Variants in TACR1 observed in about 807,000 individuals in gnomAD.
TACR1 encodes the protein substance-P receptor.
TACR1 carries 25 observed loss-of-function variants against 35.8 expected under a neutral mutation model. The ratio of observed to expected loss-of-function variants is 0.70; its 90% CI spans 0.51 to 0.98. The LOEUF is 0.98. Ranked by LOEUF, TACR1 falls within the 50% of genes least tolerant of loss-of-function variation. TACR1 has a pLI of 0.00. For missense variants in TACR1, 478 were observed against 522.9 expected (o/e 0.91, Z 0.84); for synonymous variants, 195 against 206.7 (o/e 0.94, Z 0.48).
chr2:75,148,448 G>T (rs540964638), intron 1 of TACR1, among the ~76,000 whole-genome samples: 1 of 152,264 alleles, frequency 6.6e-6, no homozygotes, highest in Admixed American at 6.5e-5. Flanking sequence ...TGTGGTTTTT[G>T]ATTTGCATTT....
At chr2:75,089,618 A>G (rs1313521569) in intron 2 of TACR1, among the ~76,000 whole-genome samples, 1 of 152,168 alleles carries the variant, frequency 6.6e-6, no homozygotes, top group Non-Finnish European at 1.5e-5. Context: ...CATATGTAGA[A>G]GACTTTACTT....
At chr2:75,133,211 A>G (rs1343570283) in intron 1 of TACR1, among the ~76,000 whole-genome samples, 1 of 152,258 alleles carries the variant, frequency 6.6e-6, no homozygotes, top group Non-Finnish European at 1.5e-5. Flanking sequence ...CTTGCAAGAC[A>G]ATGAATGATT....
At chr2:75,147,479 C>T (rs1278686296) in intron 1 of TACR1, among the ~76,000 whole-genome samples, 1 of 152,150 alleles carries the variant, frequency 6.6e-6, no homozygotes, top group African/African-American at 2.4e-5. Flanking sequence ...TATATGCGTG[C>T]CATGGTGGTT....
intron 2 of TACR1, among the ~76,000 whole-genome samples, chr2:75,119,755 A>G (rs895778131): frequency 1.3e-5 from 2 of 152,154 alleles, no homozygotes; most frequent in African/African-American, 2.4e-5. Context: ...TCACCTGCAC[A>G]TATTCTATTT....
At chr2:75,090,387 G>A (rs1673285370) in intron 2 of TACR1, among the ~76,000 whole-genome samples, 1 of 152,146 alleles carries the variant, frequency 6.6e-6, no homozygotes, top group Non-Finnish European at 1.5e-5. Context: ...CCTGTATGGG[G>A]CATTAACATC....
At chr2:75,080,129 A>G (rs1673054982) in intron 2 of TACR1, among the ~76,000 whole-genome samples, 1 of 152,226 alleles carries the variant, frequency 6.6e-6, no homozygotes, top group African/African-American at 2.4e-5. Context: ...TACTGAAATT[A>G]GAAATCTAAA....
intron 1 of TACR1, among the ~76,000 whole-genome samples, chr2:75,138,416 G>T (rs1037848058): frequency 7.9e-5 from 12 of 152,256 alleles, no homozygotes; most frequent in African/African-American, 2.6e-4. Context: ...ACCTAGCCTG[G>T]ACTCTTGCCT....
At chr2:75,176,669 T>A (rs1046807918) in intron 1 of TACR1, among the ~76,000 whole-genome samples, 13 of 152,072 alleles carry the variant, frequency 8.5e-5, no homozygotes, top group African/African-American at 3.1e-4. Flanking sequence ...CCCCAAGTAC[T>A]CCCCACAAGG....
At chr2:75,121,823 C>G (rs1673976149) in intron 1 of TACR1, among the ~76,000 whole-genome samples, 1 of 152,214 alleles carries the variant, frequency 6.6e-6, no homozygotes, top group Non-Finnish European at 1.5e-5. Context: ...CATTGATTCT[C>G]TGACAGTCAG....
intron 1 of TACR1, among the ~76,000 whole-genome samples, chr2:75,182,495 C>T (rs994431506): frequency 3.9e-5 from 6 of 152,182 alleles, no homozygotes; most frequent in Non-Finnish European, 5.9e-5. Flanking sequence ...TACAGCCATG[C>T]GCCACAAAAC....
At chr2:75,166,822 G>C (rs761466543) in intron 1 of TACR1, among the ~76,000 whole-genome samples, 1 of 152,202 alleles carries the variant, frequency 6.6e-6, no homozygotes, top group Non-Finnish European at 1.5e-5. Context: ...GACATACAGA[G>C]AAGTGCAGAT....
intron 2 of TACR1, among the ~76,000 whole-genome samples, chr2:75,114,230 A>T (rs933956208): frequency 6.6e-6 from 1 of 152,244 alleles, no homozygotes; most frequent in African/African-American, 2.4e-5. Context: ...AATTCAGAAT[A>T]GGAATGTCTT....
chr2:75,194,271 C>T (rs1675916062), intron 1 of TACR1, among the ~76,000 whole-genome samples: 1 of 152,116 alleles, frequency 6.6e-6, no homozygotes, highest in African/African-American at 2.4e-5. Flanking sequence ...TTAACAAACT[C>T]CATTTTGATC....
intron 2 of TACR1, among the ~76,000 whole-genome samples, chr2:75,115,154 CAT>C (rs1427889646): frequency 2.7e-5 from 4 of 150,844 alleles, no homozygotes; most frequent in African/African-American, 7.3e-5. Context: ...ATTTTAATAA[CAT>C]AGAAATTGTC....
Position 75,133,249 on chromosome 2 carries a change from T to C in TACR1, c.390-12481A>G, listed in dbSNP as rs142709560. On this transcript the variant is annotated intron_variant, in intron 1 of 4. Transcript: ENST00000305249. ...AGAAGAAAAAATTTTTTGTGCGTGG[T>C]ATCTTATTCGGCATTTTTTATTTAA... Among the ~76,000 whole-genome samples the C allele has an allele frequency of 5.6e-4, 86 of 152,360 alleles. 1 individual carries two copies. The East Asian group carries it at 0.015, about 27-fold the overall frequency.
chr2:75,157,235 A>C (rs1012686), intron 1 of TACR1, among the ~76,000 whole-genome samples: 4,389 of 152,090 alleles, frequency 0.029, 202 homozygotes, highest in African/African-American at 0.1. Flanking sequence ...GGAAAGCTAG[A>C]CCCTTCTCCT....
intron 4 of TACR1, 30 bp downstream of exon 4, chr2:75,051,221 C>CT: frequency 6.2e-7 from 1 of 1,613,994 alleles, no homozygotes; most frequent in African/African-American, 1.3e-5. Context: ...CTTGTGGCCC[C>CT]TGGAGAGCTC....
intron 2 of TACR1, among the ~76,000 whole-genome samples, chr2:75,107,816 G>A (rs751472703): frequency 6.6e-6 from 1 of 151,712 alleles, no homozygotes; most frequent in African/African-American, 2.4e-5. Flanking sequence ...GCATTTAAAC[G>A]AACTTAGGTA....
intron 1 of TACR1, among the ~76,000 whole-genome samples, chr2:75,183,829 T>C (rs56150428): frequency 0.02 from 3,040 of 152,332 alleles, 112 homozygotes; most frequent in African/African-American, 0.069. Context: ...ATTGTGTTAT[T>C]ACTTTTATTC....
Sources: allele counts gnomAD v4.1 joint callset (sites outside exome capture counted in the v4.1 genomes callset), GRCh38; gene constraint gnomAD v4.1.1; transcripts MANE v1.5; gene names NCBI Gene and HGNC (gene_info 2026-07-23, HGNC 2026-07-21).